The following HSP90AA1 variants were observed in gnomAD, a reference collection of about 807,000 sequenced individuals.
The protein encoded by HSP90AA1 is heat shock protein 90 alpha family class A member 1.
A neutral mutation model predicts 73.3 loss-of-function variants in HSP90AA1; 18 were observed. That is an observed-to-expected ratio of 0.25 (90% confidence interval 0.17 to 0.36). HSP90AA1 has a LOEUF of 0.36. Ranked by LOEUF, HSP90AA1 falls within the 10% of genes least tolerant of loss-of-function variation. HSP90AA1 has a pLI of 1.00. For missense variants in HSP90AA1, 704 were observed against 874.2 expected (o/e 0.81, Z 2.45); for synonymous variants, 477 against 296.9 (o/e 1.61, Z -6.24).
chr14:102,082,991 A>T, intron 9 of HSP90AA1, 43 bp downstream of exon 9: 1 of 1,587,122 alleles, frequency 6.3e-7, no homozygotes, highest in Non-Finnish European at 8.7e-7. Context: ...GCTTGAAAGC[A>T]CCTTAGAAGT....
chr14:102,092,154 C>T (rs577197293), intron 2 of HSP90AA1, among the ~76,000 whole-genome samples: 132 of 151,608 alleles, frequency 8.7e-4, no homozygotes, highest in African/African-American at 2.9e-3. Flanking sequence ...CTGCAACCTC[C>T]GCCTCCTGGG....
intron 1 of HSP90AA1, among the ~76,000 whole-genome samples, chr14:102,107,674 G>A (rs1294131685): frequency 6.6e-6 from 1 of 152,002 alleles, no homozygotes; most frequent in Non-Finnish European, 1.5e-5. Flanking sequence ...AGGATATGTA[G>A]GGGATATGGC....
At position 102,112,278 on chromosome 14, in the gene HSP90AA1, T is replaced by C. The variant is rs139094045; in HGVS notation, c.156-10193A>G. The stretch of plus-strand genomic sequence containing the variant: ...GCCTGTGCCTCCTGGGTTCAAGCAA[T>C]TCTCCTGCCTCAGCCTCCTGAGCAG... On this transcript the variant is annotated intron_variant, in intron 1 of 11. Coordinates refer to the HSP90AA1 transcript ENST00000334701. Among the ~76,000 whole-genome samples, 1,034 of 152,308 alleles carry C rather than the reference T, an allele frequency of 6.8e-3. 9 individuals are homozygous for C. Among genetic ancestry groups the C allele is most frequent in the African/African-American group, 0.024 (982 of 41,568 alleles).
intron 1 of HSP90AA1, among the ~76,000 whole-genome samples, chr14:102,137,986 GCATGGCGACAGCGAGACTC>G (rs2152629089): frequency 6.6e-6 from 1 of 150,902 alleles, no homozygotes; most frequent in African/African-American, 2.4e-5. Flanking sequence ...CTGCACTCCA[GCATGGCGACAGCGAGACTC>G]CATCTAAGAA....
chr14:102,086,057 T>C lies in HSP90AA1; in HGVS notation c.230A>G (p.His77Arg), dbSNP rs2049223366. 6.2e-6 allele frequency: 10 copies of C among 1,613,864 alleles called. No homozygotes were observed. The highest frequency in any genetic ancestry group is 1.3e-5 in the African/African-American group (1 of 74,912). The change falls in exon 3 of 11, where the codon CAT becomes CGT. Residue 77 changes from histidine (H) to arginine (R), a missense_variant. By Grantham distance (29) the His-to-Arg change is conservative. Coordinates refer to ENST00000216281, the MANE Select transcript of HSP90AA1 (RefSeq NM_005348.4). ...PSKLDSGKEL[H>R]INLIPNKQDR... ...TTGTTTGTTCGGTATAAGGTTAATA[T>C]GCAGCTCTTTCCCAGAGTCTAATTT...
chr14:102,104,411 C>T (rs184412177), intron 1 of HSP90AA1, among the ~76,000 whole-genome samples: 4 of 152,122 alleles, frequency 2.6e-5, no homozygotes, highest in Non-Finnish European at 5.9e-5. Flanking sequence ...CAGGGTTTCA[C>T]CATGTTGGCC....
At chr14:102,083,756 G>A (rs751157921) in intron 7 of HSP90AA1, 37 bp downstream of exon 7, 96 of 1,469,304 alleles carry the variant, frequency 6.5e-5, no homozygotes, top group East Asian at 2.0e-4. Context: ...AAAAACTAAA[G>A]AGGCCAATTG....
At chr14:102,085,230 AG>A (rs2049197251) in intron 4 of HSP90AA1, 67 bp downstream of exon 4, 1 of 1,521,080 alleles carries the variant, frequency 6.6e-7, no homozygotes, top group Non-Finnish European at 9.1e-7. Flanking sequence ...CTAGGGACTA[AG>A]GATGTAGTAC....
At chr14:102,114,595 T>C (rs1566732180) in intron 1 of HSP90AA1, among the ~76,000 whole-genome samples, 1 of 152,136 alleles carries the variant, frequency 6.6e-6, no homozygotes, top group East Asian at 1.9e-4. Context: ...GAAAGCCCAG[T>C]GGAGAGAAAA....
chr14:102,082,476 GA>G, intron 9 of HSP90AA1, 32 bp from the exon 10 acceptor site: 1 of 1,539,778 alleles, frequency 6.5e-7, no homozygotes, highest in Non-Finnish European at 8.9e-7. Flanking sequence ...TAGGAACCTA[GA>G]AAGATTAATT....
At chr14:102,086,944 G>T in intron 1 of HSP90AA1, 42 bp downstream of exon 1, 1 of 967,214 alleles carries the variant, frequency 1.0e-6, no homozygotes, top group Non-Finnish European at 1.2e-6. Context: ...CCCAGTCCCG[G>T]TCCCCAGTCC....
intron 1 of HSP90AA1, 62 bp downstream of exon 1, chr14:102,086,924 G>A: frequency 2.2e-6 from 2 of 916,048 alleles, no homozygotes; most frequent in Non-Finnish European, 2.6e-6. Context: ...TCCGCCCCGC[G>A]CCAGCCGCCC....
Position 102,085,447 on chromosome 14 carries a change from GAAAA to G in HSP90AA1, c.530-20_530-17del, listed in dbSNP as rs774175228. ...ATAGGTTCACCTGCAAGAGAAGAAA[GAAAA>G]ATTGACTTAATACATTCAATTTAGT... On this transcript the variant is annotated splice_polypyrimidine_tract_variant and intron_variant, in intron 3 of 10. Transcript: ENST00000216281. 1.9e-5 allele frequency: 28 copies of G among 1,505,926 alleles called. No homozygotes were observed. In the South Asian group the frequency reaches 2.1e-4, roughly 11 times the overall value. The allele number at this position is 1,505,926 out of a possible 1,614,324, so 93.3% of individuals were successfully genotyped here. A position where few individuals can be genotyped will look rare whatever the true frequency, so the allele number is the denominator to read the frequency against.
Position 102,084,928 on chromosome 14 carries a change from T to C in HSP90AA1, c.734A>G (p.Lys245Arg), listed in dbSNP as rs750299502. 5 of 1,595,480 alleles carry C rather than the reference T, an allele frequency of 3.1e-6. No individual in the cohort carries two copies. In the South Asian group the frequency reaches 5.5e-5, roughly 18 times the overall value. The change falls in exon 5 of 11, where the codon AAA (lysine) becomes AGA (arginine). Residue 245 changes from lysine (K) to arginine (R), a missense_variant. Physicochemically the swap from Lys to Arg is conservative, Grantham distance 26 (BLOSUM62 2). Coordinates refer to ENST00000216281, the MANE Select transcript of HSP90AA1 (RefSeq NM_005348.4). ...AEEKEDKEEE[K>R]EKEEKESEDK... The stretch of plus-strand genomic sequence containing the variant: ...TTCCGACTCTTTCTCTTCTTTTTCT[T>C]TTTCTTCTTCTTTGTCTTCCTTTTC...
At chr14:102,130,795 T>A (rs1183389300) in intron 1 of HSP90AA1, among the ~76,000 whole-genome samples, 1 of 152,172 alleles carries the variant, frequency 6.6e-6, no homozygotes, top group African/African-American at 2.4e-5. Flanking sequence ...AGTGGTGCAA[T>A]CACAGCTCAC....
chr14:102,134,828 G>C (rs910691000), intron 1 of HSP90AA1, among the ~76,000 whole-genome samples: 1 of 152,174 alleles, frequency 6.6e-6, no homozygotes, highest in Admixed American at 6.5e-5. Flanking sequence ...AAGTGAACCC[G>C]AGCGGGTTGC....
At chr14:102,114,670 C>T (rs1343526398) in intron 1 of HSP90AA1, among the ~76,000 whole-genome samples, 6 of 152,164 alleles carry the variant, frequency 3.9e-5, no homozygotes, top group East Asian at 1.9e-4. Context: ...CAAGAGACTA[C>T]TCTTGCCTTA....
chr14:102,091,567 A>G (rs1014853866), upstream of HSP90AA1, among the ~76,000 whole-genome samples: 2 of 151,988 alleles, frequency 1.3e-5, no homozygotes, highest in African/African-American at 2.4e-5. Flanking sequence ...CAGAGGCTGC[A>G]GTGAGCCGAG....
intron 9 of HSP90AA1, 152 bp downstream of exon 9, chr14:102,082,882 G>C: frequency 1.3e-6 from 1 of 778,066 alleles, no homozygotes; most frequent in Non-Finnish European, 2.3e-6. Context: ...GCCTCCCAAA[G>C]TGCTGGGATT....
Sources: allele counts gnomAD v4.1 joint callset (sites outside exome capture counted in the v4.1 genomes callset), GRCh38; gene constraint gnomAD v4.1.1; transcripts MANE v1.5; gene names NCBI Gene and HGNC (gene_info 2026-07-23, HGNC 2026-07-21).